MUC22: variants seen among roughly 807,000 people sequenced by gnomAD.
The protein encoded by MUC22 is mucin-22.
Under a neutral mutation model 40.3 loss-of-function variants are expected in MUC22, and 24 were observed. The observed-to-expected ratio is 0.60, with a 90% CI of 0.43 to 0.84. The LOEUF (loss-of-function observed/expected upper bound fraction) is 0.84. MUC22 is among the 40% of genes least tolerant of loss of function. The pLI is 0.00. For missense variants in MUC22, 1,926 were observed against 2,130.7 expected, an observed-to-expected ratio of 0.90 and a Z score of 1.89; for synonymous variants, 765 against 844.5, an observed-to-expected ratio of 0.91 and a Z score of 1.63.
intron 1 of MUC22, among the ~76,000 whole-genome samples, chr6:31,022,192 G>A (rs978528514): frequency 6.6e-6 from 1 of 152,152 alleles, no homozygotes; most frequent in Non-Finnish European, 1.5e-5. Flanking sequence ...CACTGTGAGG[G>A]TCTGTGGCTT....
intron 1 of MUC22, among the ~76,000 whole-genome samples, chr6:31,022,393 G>C (rs901786971): frequency 3.9e-5 from 6 of 152,062 alleles, no homozygotes; most frequent in Non-Finnish European, 1.5e-5. Context: ...CGAACTCCTG[G>C]TGATCTGCCT....
Position 31,025,006 on chromosome 6 carries a change from AT to A in MUC22, c.71-494del, listed in dbSNP as rs1346329924. On this transcript the variant is annotated intron_variant, in intron 1 of 3. Transcript: ENST00000561890. Reference sequence around the variant, plus strand: ...TGCCTCAGCCTCCTGAATAGCTGGGATTATAGGCATGCGCCACCATGCCTGG... The same window carrying A: ...TGCCTCAGCCTCCTGAATAGCTGGGATATAGGCATGCGCCACCATGCCTGG... Among the ~76,000 whole-genome samples, 12 of 151,546 alleles carry A rather than the reference AT, an allele frequency of 7.9e-5. No individual in the cohort carries two copies. The South Asian group carries it at 2.1e-3, about 26-fold the overall frequency.
chr6:31,034,864 G>A, exon 4 of MUC22: 1 of 1,535,572 alleles, frequency 6.5e-7, no homozygotes, highest in South Asian at 1.2e-5. Context: ...AGTGGGCCAT[G>A]GACTGAGCCA....
exon 2 of MUC22, chr6:31,027,477 C>G: frequency 6.5e-7 from 1 of 1,532,022 alleles, no homozygotes. Flanking sequence ...CCACCACAGT[C>G]TTTGAGACCA....
exon 4 of MUC22, chr6:31,034,729 C>T: frequency 1.3e-6 from 2 of 1,535,696 alleles, no homozygotes; most frequent in Admixed American, 2.0e-5. Flanking sequence ...TGGCCACAGC[C>T]ACAGCCTTGG....
At chr6:31,026,746 C>G (rs1170078368) in exon 2 of MUC22, 4 of 1,494,414 alleles carry the variant, frequency 2.7e-6, no homozygotes, top group African/African-American at 1.5e-5. Context: ...AACCATCACA[C>G]CCTCTACTGC....
intron 1 of MUC22, among the ~76,000 whole-genome samples, chr6:31,015,270 G>A (rs1461783452): frequency 6.6e-6 from 1 of 152,150 alleles, no homozygotes; most frequent in East Asian, 1.9e-4. Context: ...GCTAGCCCTG[G>A]AAGGTCCTGT....
chr6:31,019,453 C>G (rs1373054489), intron 1 of MUC22, among the ~76,000 whole-genome samples: 2 of 152,242 alleles, frequency 1.3e-5, no homozygotes, highest in African/African-American at 2.4e-5. Context: ...TCTACTTTCT[C>G]TTCCCTTCCT....
chr6:31,021,488 C>G (rs1373920250), intron 1 of MUC22, among the ~76,000 whole-genome samples: 1 of 150,574 alleles, frequency 6.6e-6, no homozygotes, highest in Non-Finnish European at 1.5e-5. Flanking sequence ...CCTTGGAGAA[C>G]CTTTATGTCT....
chr6:31,019,921 G>A (rs1764546239), intron 1 of MUC22, among the ~76,000 whole-genome samples: 1 of 152,124 alleles, frequency 6.6e-6, no homozygotes, highest in Admixed American at 6.5e-5. Flanking sequence ...GAGGGTGAGA[G>A]GGAGTATGGG....
rs569527544 is a variant in MUC22 at position 31,017,724 on chromosome 6, GACCAATCAGCTCTCTGTAAA to G, written c.70+6956_70+6975del. Among the ~76,000 whole-genome samples the G allele has an allele frequency of 2.2e-3, 308 of 143,106 alleles. 1 individual carries two copies. The highest frequency in any genetic ancestry group is 7.4e-3 in the African/African-American group (283 of 38,056). 93.9% of individuals were successfully genotyped at this position (143,106 alleles called of 152,430 possible). ...CACCAATCAGCACCTTGTCAAAACA[GACCAATCAGCTCTCTGTAAA>G]ACCAATCGGCGCTCTGTAAAATGGA... On this transcript the variant is annotated intron_variant, in intron 1 of 3. Coordinates refer to ENST00000561890, the Ensembl canonical transcript of MUC22.
At chr6:31,029,043 G>A (rs1765757520) in exon 2 of MUC22, 6 of 1,533,058 alleles carry the variant, frequency 3.9e-6, no homozygotes, top group Non-Finnish European at 4.4e-6. Flanking sequence ...CAGGCTCTGA[G>A]ACCATCACAG....
chr6:31,022,364 A>T (rs939038622), intron 1 of MUC22, among the ~76,000 whole-genome samples: 1 of 151,808 alleles, frequency 6.6e-6, no homozygotes, highest in African/African-American at 2.4e-5. Context: ...GGGGTTCTCA[A>T]TTTTGGTTAG....
At chr6:31,030,341 T>C (rs1202926816) in intron 2 of MUC22, among the ~76,000 whole-genome samples, 2 of 151,742 alleles carry the variant, frequency 1.3e-5, no homozygotes, top group Non-Finnish European at 2.9e-5. Flanking sequence ...CACGGTGAAA[T>C]CCAGTCTCTA....
chr6:31,006,997 A>G (rs1186711064), upstream of MUC22, among the ~76,000 whole-genome samples: 1 of 152,162 alleles, frequency 6.6e-6, no homozygotes, highest in Non-Finnish European at 1.5e-5. Flanking sequence ...TTAAAGTAAA[A>G]TAAAATTTAA....
At chr6:31,024,628 A>G (rs1325722056) in intron 1 of MUC22, among the ~76,000 whole-genome samples, 1 of 152,228 alleles carries the variant, frequency 6.6e-6, no homozygotes, top group Non-Finnish European at 1.5e-5. Flanking sequence ...AGTTTAGAAT[A>G]TAAAGAATGT....
At chr6:31,026,500 A>G in exon 2 of MUC22, 2 of 1,507,082 alleles carry the variant, frequency 1.3e-6, no homozygotes, top group Non-Finnish European at 1.8e-6. Context: ...CTCTGAGACC[A>G]CTACAGTCTC....
chr6:31,018,151 C>T (rs908765009), intron 1 of MUC22, among the ~76,000 whole-genome samples: 1 of 152,198 alleles, frequency 6.6e-6, no homozygotes, highest in Admixed American at 6.5e-5. Context: ...CACTTTCACT[C>T]CTGCCTTCAG....
At chr6:31,023,862 T>C (rs533531484) in intron 1 of MUC22, among the ~76,000 whole-genome samples, 1 of 152,204 alleles carries the variant, frequency 6.6e-6, no homozygotes, top group African/African-American at 2.4e-5. Flanking sequence ...AGAGAGACAT[T>C]TCATAATTAT....
Sources: gnomAD v4.1 joint callset for allele counts (sites outside exome capture counted in the v4.1 genomes callset) on GRCh38, gnomAD v4.1.1 for gene constraint, MANE v1.5 for transcripts, NCBI Gene and HGNC (gene_info 2026-07-23, HGNC 2026-07-21) for gene names.